Variants in PAQR8 observed in about 807,000 individuals in gnomAD.
PAQR8 encodes the protein progestin and adipoQ receptor family member 8.
PAQR8 carries 17 observed loss-of-function variants against 25.2 expected under a neutral mutation model. The ratio of observed to expected loss-of-function variants is 0.67; its 90% confidence interval spans 0.46 to 1.01. The LOEUF is 1.01. Among genes scored for constraint, PAQR8 ranks in the 50% least tolerant of loss-of-function variants. The pLI is 0.00. For missense variants in PAQR8, 392 were observed against 448.4 expected (o/e 0.87, Z 1.14); for synonymous variants, 204 against 190.6 (o/e 1.07, Z -0.58).
chr6:52,395,272 CAAAA>C (rs34239055), intron 1 of PAQR8, among the ~76,000 whole-genome samples: 2 of 93,430 alleles, frequency 2.1e-5, no homozygotes, highest in Non-Finnish European at 4.3e-5. Flanking sequence ...GACTTCGTCT[CAAAA>C]AAAAAAAAAA....
chr6:52,404,188 C>T lies in PAQR8; in HGVS notation c.975C>T (p.Leu325=). The T allele has an allele frequency of 6.2e-7, 1 of 1,614,048 alleles. No homozygotes were observed. Among genetic ancestry groups the T allele is most frequent in the Non-Finnish European group, 8.5e-7 (1 of 1,179,932 alleles). ...CCCTATCTGTCCACATGGCCTGCCTCTCCTTCTTCTTCCTGGCTGCCTGCA... is the reference window on the plus strand; with the variant it reads ...CCCTATCTGTCCACATGGCCTGCCTTTCCTTCTTCTTCCTGGCTGCCTGCA... The part of the protein sequence containing the change: ...HGPLSVHMAC[L]SFFFLAACSA... Residue 325 remains leucine, a synonymous_variant, in exon 2 of 2, where the codon CTC becomes CTT. Coordinates refer to ENST00000442253, the MANE Select transcript of PAQR8 (RefSeq NM_133367.5).
rs1248879979 is a variant in PAQR8 at position 52,406,993 on chromosome 6, T to C, written c.*2715T>C. The C allele has an allele frequency of 5.9e-6, 1 of 169,478 alleles. No individual in the cohort carries two copies. The highest frequency in any genetic ancestry group is 1.4e-5 in the Non-Finnish European group (1 of 69,726). The allele number at this position is 169,478 out of a possible 1,614,324, so 10.5% of individuals were successfully genotyped here. On this transcript the variant is annotated 3_prime_UTR_variant, in exon 2 of 2. Coordinates refer to ENST00000442253, the MANE Select transcript of PAQR8 (RefSeq NM_133367.5). ...CAGATGTTTTTAACTACTCAGACTT[T>C]TGAGGAATTAATCCTTTTAAAACAT... is the stretch of plus-strand genomic sequence containing the variant.
chr6:52,369,935 G>A (rs1763397922), intron 1 of PAQR8, among the ~76,000 whole-genome samples: 1 of 152,166 alleles, frequency 6.6e-6, no homozygotes, highest in Non-Finnish European at 1.5e-5. Flanking sequence ...GTGCTAAAAT[G>A]TTACCCAGAT....
At chr6:52,386,918 C>A (rs1763639299) in intron 1 of PAQR8, among the ~76,000 whole-genome samples, 1 of 152,168 alleles carries the variant, frequency 6.6e-6, no homozygotes, top group Non-Finnish European at 1.5e-5. Context: ...ATTGTAATAT[C>A]ATGGAGATGA....
chr6:52,398,197 C>CTTTTTTT (rs869087625), intron 1 of PAQR8, among the ~76,000 whole-genome samples: 1 of 133,712 alleles, frequency 7.5e-6, no homozygotes. Context: ...TTTTTCTTTT[C>CTTTTTTT]TTTTTTCTTT....
At chr6:52,402,928 C>CA (rs1413895393) in intron 1 of PAQR8, among the ~76,000 whole-genome samples, 1 of 152,104 alleles carries the variant, frequency 6.6e-6, no homozygotes, top group Non-Finnish European at 1.5e-5. Flanking sequence ...ACAGCAGCAA[C>CA]AAAAAATTAT....
At position 52,403,903 on chromosome 6, in the gene PAQR8, C is replaced by T. The variant is rs1412039040; in HGVS notation, c.690C>T (p.His230=). The change falls in exon 2 of 2, where the codon CAC becomes CAT. Residue 230 remains histidine (H), a synonymous_variant. Transcript: ENST00000442253. ...AFILDISPVA[H]RVALCHLAGC... is the part of the protein sequence containing the mutation. ...TCCTAGACATCAGCCCTGTGGCACA[C>T]CGTGTGGCGCTCTGTCACCTGGCTG... 6.2e-7 allele frequency: 1 copy of T among 1,614,238 alleles called. No homozygotes were observed. The highest frequency in any genetic ancestry group is 1.1e-5 in the South Asian group (1 of 91,086).
intron 1 of PAQR8, among the ~76,000 whole-genome samples, chr6:52,378,632 A>G (rs551811350): frequency 6.6e-6 from 1 of 152,018 alleles, no homozygotes; most frequent in South Asian, 2.1e-4. Flanking sequence ...CTCTACTAAA[A>G]ATACAAAAAT....
intron 1 of PAQR8, among the ~76,000 whole-genome samples, chr6:52,372,015 A>C (rs1182916027): frequency 6.6e-6 from 1 of 152,194 alleles, no homozygotes. Context: ...TCAGCACTCT[A>C]TCTAAGAAAT....
At chr6:52,386,300 A>C (rs748868359) in intron 1 of PAQR8, among the ~76,000 whole-genome samples, 1 of 152,250 alleles carries the variant, frequency 6.6e-6, no homozygotes, top group African/African-American at 2.4e-5. Flanking sequence ...GATTTCTCAG[A>C]GAACCAAACA....
At chr6:52,379,794 T>A (rs1344857517) in intron 1 of PAQR8, among the ~76,000 whole-genome samples, 1 of 152,046 alleles carries the variant, frequency 6.6e-6, no homozygotes, top group East Asian at 1.9e-4. Context: ...GCCCGGCTAA[T>A]TTTTTTGTAT....
At chr6:52,382,173 A>G (rs970592920) in intron 1 of PAQR8, among the ~76,000 whole-genome samples, 13 of 152,230 alleles carry the variant, frequency 8.5e-5, no homozygotes, top group Non-Finnish European at 1.6e-4. Flanking sequence ...GCATCATTTA[A>G]GTGATACAAA....
At chr6:52,387,859 G>A (rs528127968) in intron 1 of PAQR8, among the ~76,000 whole-genome samples, 1 of 152,370 alleles carries the variant, frequency 6.6e-6, no homozygotes, top group Admixed American at 6.5e-5. Flanking sequence ...CAGATCAGCA[G>A]CAGCATTAGA....
intron 1 of PAQR8, among the ~76,000 whole-genome samples, chr6:52,365,508 T>C (rs1428342136): frequency 6.6e-6 from 1 of 152,116 alleles, no homozygotes; most frequent in African/African-American, 2.4e-5. Context: ...TGTAGAACAC[T>C]TGAGTTCGGT....
At chr6:52,363,566 C>T (rs1384702205) in intron 1 of PAQR8, among the ~76,000 whole-genome samples, 2 of 152,184 alleles carry the variant, frequency 1.3e-5, no homozygotes, top group African/African-American at 2.4e-5. Flanking sequence ...CGAGGAAAAT[C>T]CACAACAAAT....
In PAQR8 at chr6:52,403,288, C is replaced by T. The variant is rs146353145; in HGVS notation, c.75C>T (p.Ile25=). ...AGCAGCTGCGCCGCCTGCCCAAGATCCTGGAGGATGGGCTTCCCAAGATGC... is the reference window on the plus strand; with the variant it reads ...AGCAGCTGCGCCGCCTGCCCAAGATTCTGGAGGATGGGCTTCCCAAGATGC... The part of the protein sequence containing the change: ...SGQQLRRLPK[I]LEDGLPKMPC... The change falls in exon 2 of 2, where the codon ATC becomes ATT. Residue 25 remains isoleucine, a synonymous_variant. Transcript: ENST00000442253. 3.7e-3 allele frequency: 5,998 copies of T among 1,613,852 alleles called. 18 individuals are homozygous for T. The highest frequency in any genetic ancestry group is 4.1e-3 in the Non-Finnish European group (4,865 of 1,179,806).
chr6:52,396,411 A>G (rs1763767694), intron 1 of PAQR8, among the ~76,000 whole-genome samples: 1 of 152,192 alleles, frequency 6.6e-6, no homozygotes, highest in South Asian at 2.1e-4. Flanking sequence ...CCTTAGAGGT[A>G]TGGGCTCTGG....
At chr6:52,370,324 G>C (rs184172940) in intron 1 of PAQR8, among the ~76,000 whole-genome samples, 19 of 152,282 alleles carry the variant, frequency 1.2e-4, no homozygotes, top group Non-Finnish European at 2.4e-4. Context: ...GGCCAGAGCG[G>C]CAGAGGTGGG....
intron 1 of PAQR8, among the ~76,000 whole-genome samples, chr6:52,379,022 G>A (rs1226311777): frequency 6.6e-6 from 1 of 150,674 alleles, no homozygotes; most frequent in East Asian, 1.9e-4. Flanking sequence ...GCTTGCACGT[G>A]GGAGGCAGAG....
Sources: allele counts gnomAD v4.1 joint callset (sites outside exome capture counted in the v4.1 genomes callset), GRCh38; gene constraint gnomAD v4.1.1; transcripts MANE v1.5; gene names NCBI Gene and HGNC (gene_info 2026-07-23, HGNC 2026-07-21).